The following ZSWIM5 variants were observed in gnomAD, a reference collection of about 807,000 sequenced individuals.
The protein encoded by ZSWIM5 is zinc finger SWIM domain-containing protein 5.
In ZSWIM5, 55 loss-of-function variants were observed where a neutral mutation model predicts 119.6. The observed-to-expected ratio is 0.46, with a 90% confidence interval of 0.37 to 0.58. The LOEUF is 0.58. Ranked by LOEUF, ZSWIM5 falls within the 20% of genes least tolerant of loss-of-function variation. The probability of loss-of-function intolerance (pLI) is 0.00; values close to 1 mark genes in which losing one functional copy is unlikely to be tolerated. For synonymous variants in ZSWIM5, 537 were observed against 606.9 expected (o/e 0.88, Z 1.69); for missense variants, 1,193 against 1,512.8 (o/e 0.79, Z 3.51).
intron 1 of ZSWIM5, among the ~76,000 whole-genome samples, chr1:45,131,790 G>A (rs891218483): frequency 6.7e-6 from 1 of 149,954 alleles, no homozygotes; most frequent in African/African-American, 2.4e-5. Flanking sequence ...CTACTAAAAG[G>A]TAGTACTATT....
rs1477482943 is a variant in ZSWIM5, at chr1:45,044,774, T to A, written c.1433-1379A>T. 1.5e-3 allele frequency among the ~76,000 whole-genome samples: 5 copies of A among 3,296 alleles called. 1 individual carries two copies. The highest frequency in any genetic ancestry group is 1.9e-3 in the Non-Finnish European group (3 of 1,580). The allele number at this position is 3,296 out of a possible 152,430, so 2.2% of individuals were successfully genotyped here. A position where few individuals can be genotyped will look rare whatever the true frequency, so the allele number is the denominator to read the frequency against. ...ATATATATATATATATATATATATA[T>A]AAATATATATATATAAATATATATA... is the stretch of plus-strand genomic sequence containing the variant. On this transcript the variant is annotated intron_variant, in intron 5 of 13. Coordinates refer to ENST00000359600, the MANE Select transcript of ZSWIM5 (RefSeq NM_020883.2).
intron 1 of ZSWIM5, among the ~76,000 whole-genome samples, chr1:45,130,935 G>A (rs972833755): frequency 6.6e-6 from 1 of 152,144 alleles, no homozygotes; most frequent in African/African-American, 2.4e-5. Flanking sequence ...ACAGCACCAT[G>A]CAACTTAAAA....
chr1:45,111,366 A>G (rs946294533), intron 1 of ZSWIM5, among the ~76,000 whole-genome samples: 1 of 152,242 alleles, frequency 6.6e-6, no homozygotes, highest in African/African-American at 2.4e-5. Context: ...ATACATAGAA[A>G]CAAAACAGCA....
chr1:45,110,683 G>A (rs1489410264), intron 1 of ZSWIM5, among the ~76,000 whole-genome samples: 5 of 152,016 alleles, frequency 3.3e-5, no homozygotes, highest in African/African-American at 9.7e-5. Context: ...ATGCAAAATC[G>A]ACAAGAAAAA....
chr1:45,038,542 A>T (rs916953337), intron 8 of ZSWIM5, among the ~76,000 whole-genome samples: 1 of 150,926 alleles, frequency 6.6e-6, no homozygotes, highest in Non-Finnish European at 1.5e-5. Context: ...CAAGAGGGGG[A>T]AAAAACTTCA....
chr1:45,046,624 T>C (rs886418606), intron 5 of ZSWIM5, among the ~76,000 whole-genome samples: 1 of 124,228 alleles, frequency 8.0e-6, no homozygotes, highest in Non-Finnish European at 1.7e-5. Context: ...AGGAAAGGTC[T>C]GGGCAAGATA....
intron 1 of ZSWIM5, among the ~76,000 whole-genome samples, chr1:45,203,570 C>T (rs1646170446): frequency 6.6e-6 from 1 of 151,980 alleles, no homozygotes; most frequent in Non-Finnish European, 1.5e-5. Flanking sequence ...GTTTGAAGTG[C>T]AGTTATAAAC....
At chr1:45,065,859 T>C (rs1203867887) in intron 2 of ZSWIM5, among the ~76,000 whole-genome samples, 1 of 151,818 alleles carries the variant, frequency 6.6e-6, no homozygotes, top group Non-Finnish European at 1.5e-5. Flanking sequence ...TTTTTTTTAA[T>C]TCTAATTTTA....
chr1:45,182,084 T>C (rs1212524283), intron 1 of ZSWIM5, among the ~76,000 whole-genome samples: 4 of 151,970 alleles, frequency 2.6e-5, no homozygotes, highest in African/African-American at 9.7e-5. Context: ...CATAACAATA[T>C]TAACTTTAAA....
intron 1 of ZSWIM5, among the ~76,000 whole-genome samples, chr1:45,169,598 CCTA>C (rs1557787282): frequency 6.6e-6 from 1 of 151,968 alleles, no homozygotes; most frequent in Non-Finnish European, 1.5e-5. Flanking sequence ...GATTAAATTT[CCTA>C]ATATATTTCA....
chr1:45,138,888 CTTTTTCTTTTTT>C (rs1044021929), intron 1 of ZSWIM5, among the ~76,000 whole-genome samples: 22 of 148,602 alleles, frequency 1.5e-4, no homozygotes, highest in Admixed American at 1.2e-3. Flanking sequence ...TTTTCTTTTT[CTTTTTCTTTTTT>C]TTTTTTTTTG....
At chr1:45,176,635 A>T (rs1208574103) in intron 1 of ZSWIM5, among the ~76,000 whole-genome samples, 1 of 152,042 alleles carries the variant, frequency 6.6e-6, no homozygotes, top group Non-Finnish European at 1.5e-5. Context: ...TGATTTACTT[A>T]GTTGATCAAT....
chr1:45,018,534 C>A lies in ZSWIM5; in HGVS notation c.3478G>T (p.Ala1160Ser), dbSNP rs1293688617. The A allele has an allele frequency of 1.2e-6, 2 of 1,614,130 alleles. No homozygotes were observed. Among genetic ancestry groups the A allele is most frequent in the Admixed American group, 3.3e-5 (2 of 60,020 alleles). ...TGTTTGAGGTTGTCGATGAACTGGG[C>A]AAACTGCAGGTGGCCATCCTGGGGC... ...LLPQDGHLQFAQFIDNLKQIY... is the reference protein window; with the variant it reads ...LLPQDGHLQFSQFIDNLKQIY... Residue 1160 changes from alanine to serine, a missense_variant, in exon 14 of 14, where the codon GCC becomes TCC. This residue lies in a region of ZSWIM5 where 961 missense variants were observed against 1,290.0 expected (regional missense o/e 0.74). Coordinates refer to ENST00000359600, the MANE Select transcript of ZSWIM5 (RefSeq NM_020883.2). This position sits in a 1 kb window ranked among gnomAD's most constrained non-coding sequence, Gnocchi z 6.7.
chr1:45,180,893 C>G (rs1646013521), intron 1 of ZSWIM5, among the ~76,000 whole-genome samples: 1 of 152,086 alleles, frequency 6.6e-6, no homozygotes, highest in African/African-American at 2.4e-5. Flanking sequence ...AGAAGGAAAA[C>G]TAACAAACAG....
intron 2 of ZSWIM5, among the ~76,000 whole-genome samples, chr1:45,087,461 G>A (rs1405527164): frequency 6.6e-6 from 1 of 152,106 alleles, no homozygotes; most frequent in Non-Finnish European, 1.5e-5. Context: ...ATGCTCCTTA[G>A]GATAACTCTG....
chr1:45,172,472 A>G (rs1645952054), intron 1 of ZSWIM5, among the ~76,000 whole-genome samples: 1 of 152,300 alleles, frequency 6.6e-6, no homozygotes, highest in East Asian at 1.9e-4. Flanking sequence ...TACGTAAAAA[A>G]GCTGAAAAAG....
At chr1:45,024,528 T>C (rs1433368127) in intron 11 of ZSWIM5, among the ~76,000 whole-genome samples, 2 of 148,334 alleles carry the variant, frequency 1.3e-5, no homozygotes, top group Non-Finnish European at 3.0e-5. Flanking sequence ...TTTTGAATTT[T>C]AATGAATTCC....
chr1:45,114,486 A>C (rs922140416), intron 1 of ZSWIM5, among the ~76,000 whole-genome samples: 1 of 152,224 alleles, frequency 6.6e-6, no homozygotes, highest in African/African-American at 2.4e-5. Context: ...ATGAAGCAAA[A>C]ACTAACAGAA....
intron 1 of ZSWIM5, among the ~76,000 whole-genome samples, chr1:45,177,852 G>T (rs182814911): frequency 2.6e-5 from 4 of 152,092 alleles, no homozygotes; most frequent in Non-Finnish European, 4.4e-5. Context: ...TGAGTTTTGT[G>T]ACTTGATAAG....
Sources: gnomAD v4.1 joint callset for allele counts (sites outside exome capture counted in the v4.1 genomes callset) on GRCh38, gnomAD v4.1.1 for gene constraint, gnomAD v4.1.1 regional missense constraint, Gnocchi (gnomAD v3.1) non-coding constraint, MANE v1.5 for transcripts, NCBI Gene and HGNC (gene_info 2026-07-23, HGNC 2026-07-21) for gene names.